ATXN7L1: variants seen among roughly 807,000 people sequenced by gnomAD.
ATXN7L1 encodes the protein ataxin-7-like protein 1.
A neutral mutation model predicts 70.8 loss-of-function variants in ATXN7L1; 15 were observed. The ratio of observed to expected loss-of-function variants is 0.21; its 90% CI spans 0.14 to 0.33. ATXN7L1 has a LOEUF of 0.33. ATXN7L1 is among the 10% of genes least tolerant of loss of function. ATXN7L1 has a pLI of 1.00. For missense variants in ATXN7L1, 975 were observed against 1,097.1 expected, an observed-to-expected ratio of 0.89 and a Z score of 1.57; for synonymous variants, 440 against 445.1, an observed-to-expected ratio of 0.99 and a Z score of 0.14.
Position 105,619,140 on chromosome 7 carries a change from G to GTTTT in ATXN7L1, c.1517+1056_1517+1059dup, listed in dbSNP as rs1191774371. 4.6e-3 allele frequency among the ~76,000 whole-genome samples: 227 copies of GTTTT among 49,830 alleles called. 73 individuals are homozygous for GTTTT. The highest frequency in any genetic ancestry group is 0.018 in the African/African-American group (219 of 12,208). 32.7% of individuals were successfully genotyped at this position (49,830 alleles called of 152,430 possible). On this transcript the variant is annotated intron_variant, in intron 9 of 11. Transcript: ENST00000419735. ...GTCCACAACCATAATGAAATCTTTA[G>GTTTT]TTTTTTTTTTTTTTTTTTTTTTTTT...
At chr7:105,792,652 T>C (rs547407135) in intron 2 of ATXN7L1, among the ~76,000 whole-genome samples, 1 of 152,346 alleles carries the variant, frequency 6.6e-6, no homozygotes, top group Admixed American at 6.5e-5. Flanking sequence ...GATACCAGCT[T>C]GTGAGAGCCA....
At position 105,614,425 on chromosome 7, in the gene ATXN7L1, C is replaced by T. The variant is rs374076648; in HGVS notation, c.1909G>A (p.Asp637Asn). 128 of 1,550,376 alleles carry T rather than the reference C, an allele frequency of 8.3e-5. No homozygotes were observed. Among genetic ancestry groups the T allele is most frequent in the South Asian group, 4.3e-4 (36 of 83,914 alleles). ...CTTTTTTTGTTACTTGGAGACTCGTCGCTACGGGTGGACAGGTCTTTGACT... is the reference window on the plus strand; with the variant it reads ...CTTTTTTTGTTACTTGGAGACTCGTTGCTACGGGTGGACAGGTCTTTGACT... Reference protein sequence around the residue: ...SKVKDLSTRSDESPSNKKRKP... With the variant: ...SKVKDLSTRSNESPSNKKRKP... Residue 637 changes from aspartate (D) to asparagine (N), a missense_variant, in exon 10 of 12, where the codon GAC becomes AAC. Asp to Asn is a conservative substitution (Grantham distance 23). Around this residue, in one of 5 missense-constraint regions of ATXN7L1, gnomAD observed 635 missense variants for 699.4 expected, o/e 0.91. Transcript: ENST00000419735. This position sits in a 1 kb window ranked among gnomAD's most constrained non-coding sequence, Gnocchi z 4.3.
At chr7:105,633,588 TG>T (rs1796923145) in intron 7 of ATXN7L1, among the ~76,000 whole-genome samples, 1 of 151,894 alleles carries the variant, frequency 6.6e-6, no homozygotes, top group Non-Finnish European at 1.5e-5. Context: ...CCTATGGTGG[TG>T]GGCGCTTGTA....
At chr7:105,733,964 C>CATCCAT (rs1453737941) in intron 3 of ATXN7L1, among the ~76,000 whole-genome samples, 1 of 151,166 alleles carries the variant, frequency 6.6e-6, no homozygotes, top group African/African-American at 2.5e-5. Context: ...ATCCATCCAT[C>CATCCAT]CATCCATCCA....
chr7:105,712,726 C>T (rs911338256), intron 3 of ATXN7L1, among the ~76,000 whole-genome samples: 10 of 152,220 alleles, frequency 6.6e-5, no homozygotes, highest in East Asian at 5.8e-4. Context: ...GTCAACATCA[C>T]TATCAGCATT....
intron 3 of ATXN7L1, among the ~76,000 whole-genome samples, chr7:105,768,389 G>A (rs186017895): frequency 3.9e-5 from 6 of 152,250 alleles, no homozygotes; most frequent in South Asian, 4.1e-4. Context: ...TCTCCAGATC[G>A]CTTTCTCTCA....
chr7:105,678,914 A>T, intron 3 of ATXN7L1: 1 of 273,458 alleles, frequency 3.7e-6, no homozygotes, highest in Non-Finnish European at 5.6e-6. Flanking sequence ...GCCGGAGAGC[A>T]CTGTCTATGC....
At chr7:105,817,495 G>GCCC (rs1809362957) in intron 2 of ATXN7L1, among the ~76,000 whole-genome samples, 1 of 152,228 alleles carries the variant, frequency 6.6e-6, no homozygotes, top group African/African-American at 2.4e-5. Context: ...CACGAAGAAT[G>GCCC]TAACTTGCCC....
In ATXN7L1 at chr7:105,624,128, C is replaced by T. The variant is rs758645789; in HGVS notation, c.1342G>A (p.Glu448Lys). The change falls in exon 8 of 12, where the codon GAA (glutamate) becomes AAA (lysine). Residue 448 changes from glutamate (E) to lysine (K), a missense_variant. Physicochemically the swap from Glu to Lys is moderately conservative, Grantham distance 56. Coordinates refer to ENST00000419735, the MANE Select transcript of ATXN7L1 (RefSeq NM_020725.2). ...AACTGACAGTCTAGCTTCTCGGATT[C>T]GTCGGCTCCGTCCATCTCCCCTTCA... ...SDEGEMDGAD[E>K]SEKLDCQFST... 7.2e-6 allele frequency: 11 copies of T among 1,525,134 alleles called. No individual in the cohort carries two copies. Among genetic ancestry groups the T allele is most frequent in the Middle Eastern group, 1.7e-4 (1 of 5,900 alleles). 94.5% of individuals were successfully genotyped at this position (1,525,134 alleles called of 1,614,324 possible). A position where few individuals can be genotyped will look rare whatever the true frequency, so the allele number is the denominator to read the frequency against.
chr7:105,732,584 G>T (rs1341112217), intron 3 of ATXN7L1, among the ~76,000 whole-genome samples: 3 of 152,132 alleles, frequency 2.0e-5, no homozygotes, highest in Non-Finnish European at 4.4e-5. Context: ...CAGCACCCAG[G>T]GACAACTGCT....
intron 7 of ATXN7L1, among the ~76,000 whole-genome samples, chr7:105,634,307 A>G (rs138402624): frequency 1.7e-3 from 259 of 152,336 alleles, no homozygotes; most frequent in African/African-American, 5.8e-3. Flanking sequence ...ACTCAGGGAA[A>G]TGCAGAGAAA....
chr7:105,694,563 G>A (rs1791463230), intron 3 of ATXN7L1, among the ~76,000 whole-genome samples: 2 of 152,216 alleles, frequency 1.3e-5, no homozygotes, highest in Non-Finnish European at 2.9e-5. Context: ...ACACACCCAG[G>A]AAAGCTTTCT....
chr7:105,626,217 A>G lies in ATXN7L1; in HGVS notation c.1203-1950T>C, dbSNP rs1470711891. ...TTATGCAAGCCTTAAAAATGAATGA[A>G]ATTCTGCTACTATATGAATGACACT... is the stretch of plus-strand genomic sequence containing the variant. On this transcript the variant is annotated intron_variant, in intron 7 of 11. Coordinates refer to ENST00000419735, the MANE Select transcript of ATXN7L1 (RefSeq NM_020725.2). Among the ~76,000 whole-genome samples the G allele has an allele frequency of 5.9e-5, 9 of 152,244 alleles. No individual in the cohort carries two copies. The East Asian group carries it at 1.7e-3, about 29-fold the overall frequency.
intron 3 of ATXN7L1, among the ~76,000 whole-genome samples, chr7:105,751,265 A>T: frequency 6.6e-6 from 1 of 152,140 alleles, no homozygotes; most frequent in East Asian, 1.9e-4. Flanking sequence ...GGAGTTATGC[A>T]TATAGGAAAA....
chr7:105,699,904 T>A (rs118086975), intron 3 of ATXN7L1, among the ~76,000 whole-genome samples: 2,586 of 152,334 alleles, frequency 0.017, 38 homozygotes, highest in Middle Eastern at 0.044. Flanking sequence ...TCCTTAGAGT[T>A]CTAATTTCCT....
At chr7:105,674,085 G>A (rs530819021) in intron 3 of ATXN7L1, among the ~76,000 whole-genome samples, 34 of 152,190 alleles carry the variant, frequency 2.2e-4, no homozygotes, top group Non-Finnish European at 4.4e-4. Context: ...AGATGGCAGG[G>A]CTGAGGAGCC....
chr7:105,779,204 C>A (rs1163452566), intron 3 of ATXN7L1, among the ~76,000 whole-genome samples: 3 of 152,330 alleles, frequency 2.0e-5, no homozygotes, highest in South Asian at 2.1e-4. Context: ...TTAAGTCCTC[C>A]GGGTCTCCCT....
intron 3 of ATXN7L1, among the ~76,000 whole-genome samples, chr7:105,678,649 T>C (rs1481709837): frequency 6.6e-6 from 1 of 152,144 alleles, no homozygotes; most frequent in African/African-American, 2.4e-5. Context: ...GAGTAGATAA[T>C]ACACGGACAT....
At chr7:105,625,124 G>A (rs1298173775) in intron 7 of ATXN7L1, among the ~76,000 whole-genome samples, 1 of 152,192 alleles carries the variant, frequency 6.6e-6, no homozygotes, top group African/African-American at 2.4e-5. Flanking sequence ...ATACTGGCAT[G>A]AAAAAAAGTT....
Sources: gnomAD v4.1 joint callset for allele counts (sites outside exome capture counted in the v4.1 genomes callset) on GRCh38, gnomAD v4.1.1 for gene constraint, gnomAD v4.1.1 regional missense constraint, Gnocchi (gnomAD v3.1) non-coding constraint, MANE v1.5 for transcripts, NCBI Gene and HGNC (gene_info 2026-07-23, HGNC 2026-07-21) for gene names.